PAPPA2: variants seen among roughly 807,000 people sequenced by gnomAD.
PAPPA2 encodes pappalysin 2.
PAPPA2 carries 86 observed loss-of-function variants against 176.4 expected under a neutral mutation model. The observed-to-expected ratio is 0.49, with a 90% CI of 0.41 to 0.58. The LOEUF is 0.58. Among genes scored for constraint, PAPPA2 ranks in the 20% least tolerant of loss-of-function variants. PAPPA2 has a pLI of 0.00. For missense variants in PAPPA2, 2,073 were observed against 2,256.9 expected (o/e 0.92, Z 1.65); for synonymous variants, 809 against 852.2 (o/e 0.95, Z 0.88).
At chr1:176,656,677 C>T (rs939879640) in intron 3 of PAPPA2, among the ~76,000 whole-genome samples, 6 of 151,976 alleles carry the variant, frequency 3.9e-5, no homozygotes, top group African/African-American at 1.2e-4. Flanking sequence ...TCTCTCTTCT[C>T]TTAAACCTCT....
chr1:176,811,228 A>G (rs1229164194), intron 21 of PAPPA2, among the ~76,000 whole-genome samples: 1 of 152,220 alleles, frequency 6.6e-6, no homozygotes, highest in Non-Finnish European at 1.5e-5. Context: ...TGATATCTGC[A>G]TAAAAAAACC....
chr1:176,722,691 A>T (rs929125176), intron 12 of PAPPA2, among the ~76,000 whole-genome samples: 1 of 152,044 alleles, frequency 6.6e-6, no homozygotes, highest in African/African-American at 2.4e-5. Context: ...GTTTCCCTTC[A>T]ATGTGTTCTT....
At chr1:176,651,879 T>C (rs545709416) in intron 3 of PAPPA2, among the ~76,000 whole-genome samples, 34 of 151,776 alleles carry the variant, frequency 2.2e-4, no homozygotes, top group African/African-American at 8.0e-4. Flanking sequence ...TAATCTGTCT[T>C]TGAGCTCACT....
rs188172360 is a variant in PAPPA2 at position 176,610,783 on chromosome 1, A to C, written c.1991+15188A>C. Reference sequence around the variant, plus strand: ...TGAGAAGCCAATAGAAAAGAATTTTAAAAAGAGTCACAATGGCCTTTTTTG... The same window carrying C: ...TGAGAAGCCAATAGAAAAGAATTTTCAAAAGAGTCACAATGGCCTTTTTTG... On this transcript the variant is annotated intron_variant, in intron 3 of 22. Transcript: ENST00000367662. Among the ~76,000 whole-genome samples the C allele has an allele frequency of 1.3e-3, 197 of 152,356 alleles. 1 individual carries two copies. Among genetic ancestry groups the C allele is most frequent in the African/African-American group, 4.3e-3 (180 of 41,588 alleles).
At chr1:176,767,690 C>A (rs1026391804) in intron 15 of PAPPA2, among the ~76,000 whole-genome samples, 1 of 152,142 alleles carries the variant, frequency 6.6e-6, no homozygotes, top group Non-Finnish European at 1.5e-5. Context: ...GTAGTTAGAG[C>A]CAGACTTGCA....
intron 1 of PAPPA2, among the ~76,000 whole-genome samples, chr1:176,512,957 C>T (rs765847456): frequency 6.6e-6 from 1 of 152,140 alleles, no homozygotes; most frequent in Non-Finnish European, 1.5e-5. Flanking sequence ...TGAATTTCTA[C>T]AACAGTTTCA....
intron 1 of PAPPA2, among the ~76,000 whole-genome samples, chr1:176,522,100 T>G (rs550795388): frequency 1.3e-5 from 2 of 152,314 alleles, no homozygotes; most frequent in South Asian, 4.1e-4. Flanking sequence ...TCTCACTGTT[T>G]CTTTTATGCT....
intron 2 of PAPPA2, among the ~76,000 whole-genome samples, chr1:176,572,146 TG>T (rs2102615107): frequency 6.6e-6 from 1 of 152,332 alleles, no homozygotes; most frequent in East Asian, 1.9e-4. Context: ...CCTAATTTGG[TG>T]TTATTTCCAC....
rs1667553529 is a variant in PAPPA2, at chr1:176,843,418, C to T, written c.*964C>T. The T allele has an allele frequency of 6.6e-6, 1 of 152,088 alleles. No individual in the cohort carries two copies. Among genetic ancestry groups the T allele is most frequent in the Non-Finnish European group, 1.5e-5 (1 of 68,024 alleles). The allele number at this position is 152,088 out of a possible 1,614,324, so 9.4% of individuals were successfully genotyped here. A position where few individuals can be genotyped will look rare whatever the true frequency, so the allele number is the denominator to read the frequency against. On this transcript the variant is annotated 3_prime_UTR_variant, in exon 23 of 23. Transcript: ENST00000367662. ...AATATACTAACTTTTGTCAACTTCTCAGAACTCCCAACTGGAGTCGGTGAG... is the reference window on the plus strand; with the variant it reads ...AATATACTAACTTTTGTCAACTTCTTAGAACTCCCAACTGGAGTCGGTGAG...
At chr1:176,491,950 A>G (rs1042512186) in intron 1 of PAPPA2, among the ~76,000 whole-genome samples, 2 of 152,232 alleles carry the variant, frequency 1.3e-5, no homozygotes, top group African/African-American at 4.8e-5. Context: ...TATGCCCTGC[A>G]CTTGTCAAAC....
intron 1 of PAPPA2, among the ~76,000 whole-genome samples, chr1:176,496,128 C>T (rs1178305065): frequency 2.6e-5 from 4 of 152,126 alleles, no homozygotes; most frequent in Non-Finnish European, 4.4e-5. Context: ...TTTTAAGGTA[C>T]ATGTGCACAA....
intron 1 of PAPPA2, among the ~76,000 whole-genome samples, chr1:176,544,834 C>T (rs534733064): frequency 6.6e-6 from 1 of 152,152 alleles, no homozygotes; most frequent in African/African-American, 2.4e-5. Flanking sequence ...TAGAAAAGAT[C>T]ACATAATTCA....
Position 176,706,456 on chromosome 1 carries a change from T to C in PAPPA2, c.3457+6T>C. ...GGAAGGTTTCAACTGTGTAGGTAAGTTCAAGAGTTTCAGTCTAAGATTGTG... is the reference window on the plus strand; with the variant it reads ...GGAAGGTTTCAACTGTGTAGGTAAGCTCAAGAGTTTCAGTCTAAGATTGTG... On this transcript the variant is annotated splice_donor_region_variant and intron_variant, in intron 10 of 22. Coordinates refer to ENST00000367662, the MANE Select transcript of PAPPA2 (RefSeq NM_020318.3). The C allele has an allele frequency of 6.2e-7, 1 of 1,611,504 alleles. No individual in the cohort carries two copies.
chr1:176,471,141 G>C (rs915256983), intron 1 of PAPPA2, among the ~76,000 whole-genome samples: 2 of 152,238 alleles, frequency 1.3e-5, no homozygotes, highest in African/African-American at 4.8e-5. Context: ...CCATATGGGA[G>C]AAGTGAAAAA....
At chr1:176,671,181 G>A (rs1658976543) in intron 4 of PAPPA2, 66 bp downstream of exon 4, 2 of 1,586,746 alleles carry the variant, frequency 1.3e-6, no homozygotes, top group Non-Finnish European at 8.6e-7. Context: ...GCTTGCGAAA[G>A]TAAGTTTGGG....
chr1:176,710,974 G>A (rs2102834391), intron 11 of PAPPA2, among the ~76,000 whole-genome samples: 1 of 152,238 alleles, frequency 6.6e-6, no homozygotes, highest in African/African-American at 2.4e-5. Flanking sequence ...CGTGAAGTCA[G>A]CATTTCAAGG....
chr1:176,631,014 T>C (rs1656306385), intron 3 of PAPPA2, among the ~76,000 whole-genome samples: 1 of 152,062 alleles, frequency 6.6e-6, no homozygotes, highest in Non-Finnish European at 1.5e-5. Context: ...GGAAAGCCTG[T>C]AGAATCTGAA....
At chr1:176,570,173 A>G (rs1506781) in intron 2 of PAPPA2, among the ~76,000 whole-genome samples, 67,848 of 152,164 alleles carry the variant, frequency 0.45, 17,868 homozygotes, top group African/African-American at 0.73. Context: ...GAGAAAGGTA[A>G]ATCTTGCTAC....
chr1:176,551,773 C>T (rs1650964656), intron 1 of PAPPA2, among the ~76,000 whole-genome samples: 1 of 151,992 alleles, frequency 6.6e-6, no homozygotes, highest in Non-Finnish European at 1.5e-5. Flanking sequence ...ACCCAGGAAC[C>T]TCTGTGGATA....
Sources: gnomAD v4.1 joint callset for allele counts (sites outside exome capture counted in the v4.1 genomes callset) on GRCh38, gnomAD v4.1.1 for gene constraint, MANE v1.5 for transcripts, NCBI Gene and HGNC (gene_info 2026-07-23, HGNC 2026-07-21) for gene names.